Variants in SENP6 observed in about 807,000 individuals in gnomAD.
The protein encoded by SENP6 is sentrin-specific protease 6.
In SENP6, 41 loss-of-function variants were observed where a neutral mutation model predicts 134.5. The observed-to-expected ratio is 0.30, with a 90% confidence interval of 0.24 to 0.40. SENP6 has a LOEUF of 0.40. Ranked by LOEUF, SENP6 falls within the 10% of genes least tolerant of loss-of-function variation. SENP6 has a pLI of 1.00. For missense variants in SENP6, 1,248 were observed against 1,312.5 expected (o/e 0.95, Z 0.76); for synonymous variants, 395 against 429.8 (o/e 0.92, Z 1.00).
In SENP6 at chr6:75,664,594, G is replaced by A. The variant is rs957721256; in HGVS notation, c.994+1076G>A. On this transcript the variant is annotated intron_variant, in intron 9 of 23. Transcript: ENST00000447266. ...CTATATATGTAAATCTGTTTAGATC[G>A]TCTAATCTGGCCTGTTAGGTTTTCT... Among the ~76,000 whole-genome samples, 5 of 152,208 alleles carry A rather than the reference G, an allele frequency of 3.3e-5. 1 individual carries two copies. The highest frequency in any genetic ancestry group is 1.3e-4 in the Admixed American group (2 of 15,276).
intron 3 of SENP6, among the ~76,000 whole-genome samples, chr6:75,628,811 CT>C (rs1768893863): frequency 1.3e-5 from 2 of 152,270 alleles, no homozygotes; most frequent in African/African-American, 4.8e-5. Flanking sequence ...CCTCTTCCTC[CT>C]AGGCTCAAGC....
chr6:75,691,536 A>T (rs1774249462), intron 16 of SENP6, among the ~76,000 whole-genome samples: 1 of 152,180 alleles, frequency 6.6e-6, no homozygotes, highest in African/African-American at 2.4e-5. Flanking sequence ...GGTGCACCCA[A>T]ATGGAAGAAA....
intron 6 of SENP6, among the ~76,000 whole-genome samples, chr6:75,641,111 C>G (rs909873040): frequency 1.3e-5 from 2 of 152,124 alleles, no homozygotes; most frequent in African/African-American, 4.8e-5. Flanking sequence ...TCCCTCCATC[C>G]TCTCCTCCCC....
At chr6:75,667,458 A>G (rs1772331774) in intron 10 of SENP6, among the ~76,000 whole-genome samples, 1 of 152,206 alleles carries the variant, frequency 6.6e-6, no homozygotes, top group South Asian at 2.1e-4. Flanking sequence ...TGAACAAAGG[A>G]TAAGAATGGA....
chr6:75,612,011 T>C lies in SENP6; in HGVS notation c.52+9435T>C, dbSNP rs1767486064. 3 of 152,300 alleles carry C rather than the reference T, an allele frequency of 2.0e-5. No individual in the cohort carries two copies. In the South Asian group the frequency reaches 6.2e-4, roughly 32 times the overall value. 9.4% of individuals were successfully genotyped at this position (152,300 alleles called of 1,614,324 possible). On this transcript the variant is annotated intron_variant, in intron 1 of 23. Coordinates refer to ENST00000447266, the MANE Select transcript of SENP6 (RefSeq NM_015571.4). ...AGACTTTATCTTGAAGTAGTAGTGA[T>C]CTATTAGTTTGTCTTCTATACCAAG...
chr6:75,662,239 C>T (rs545480375), intron 8 of SENP6, among the ~76,000 whole-genome samples: 11 of 152,140 alleles, frequency 7.2e-5, no homozygotes, highest in South Asian at 2.1e-4. Context: ...TTTTGTAAAA[C>T]GCCTTCCACT....
At chr6:75,614,268 T>TG (rs1554156907) in intron 1 of SENP6, among the ~76,000 whole-genome samples, 5 of 151,472 alleles carry the variant, frequency 3.3e-5, no homozygotes, top group African/African-American at 1.2e-4. Context: ...ATCTTTTTTT[T>TG]TTTTTTTTTT....
rs146034420 is a variant in SENP6 at position 75,678,807 on chromosome 6, A to T, written c.1959-4A>T. On this transcript the variant is annotated splice_region_variant and splice_polypyrimidine_tract_variant and intron_variant, in intron 15 of 23. Coordinates refer to ENST00000447266, the MANE Select transcript of SENP6 (RefSeq NM_015571.4). ...TATTTGCTTGCCTTCTAATTTTGTT[A>T]CAGGTTGATAGTATATCCACCACCT... The T allele has an allele frequency of 1.3e-3, 1,950 of 1,552,692 alleles. 21 individuals carry two copies. In the African/African-American group the frequency reaches 0.024, roughly 19 times the overall value.
intron 8 of SENP6, among the ~76,000 whole-genome samples, chr6:75,660,680 T>G (rs1183281804): frequency 1.3e-5 from 2 of 152,070 alleles, no homozygotes; most frequent in Non-Finnish European, 2.9e-5. Context: ...TCACCCAGGC[T>G]GGAGTTGAGT....
In SENP6 at chr6:75,702,833, A is replaced by C; in HGVS notation, c.2477A>C (p.Lys826Thr). The change falls in exon 19 of 24, where the codon AAG (lysine) becomes ACG (threonine). Residue 826 changes from lysine (K) to threonine (T), a missense_variant. By Grantham distance (78) the Lys-to-Thr change is moderately conservative (BLOSUM62 -1). This residue lies in a region of SENP6 where 386 missense variants were observed against 395.0 expected (regional missense o/e 0.98). Coordinates refer to ENST00000447266, the MANE Select transcript of SENP6 (RefSeq NM_015571.4). The part of the protein sequence containing the change: ...QNSSAKPVIK[K>T]MLNKKHCIAV... ...TCTTCTGCCAAGCCTGTAATTAAGA[A>C]GATGCTAAACAAAAAACATTGCATA... 1 of 1,614,178 alleles carries C rather than the reference A, an allele frequency of 6.2e-7. No individual in the cohort carries two copies. Among genetic ancestry groups the C allele is most frequent in the Non-Finnish European group, 8.5e-7 (1 of 1,180,014 alleles).
chr6:75,696,590 A>T (rs1582882910), intron 17 of SENP6, among the ~76,000 whole-genome samples: 1 of 151,784 alleles, frequency 6.6e-6, no homozygotes, highest in Non-Finnish European at 1.5e-5. Flanking sequence ...TGATCCTTCC[A>T]CCTCAGCCTC....
At chr6:75,712,966 G>A (rs1259116276) in intron 21 of SENP6, among the ~76,000 whole-genome samples, 1 of 152,038 alleles carries the variant, frequency 6.6e-6, no homozygotes, top group African/African-American at 2.4e-5. Flanking sequence ...AATTAGCTGA[G>A]TGTGGTCACA....
At chr6:75,626,575 A>G (rs1033883997) in intron 3 of SENP6, among the ~76,000 whole-genome samples, 1 of 152,100 alleles carries the variant, frequency 6.6e-6, no homozygotes, top group East Asian at 1.9e-4. Flanking sequence ...GTCTTTTGCT[A>G]TTACGTATAA....
intron 16 of SENP6, among the ~76,000 whole-genome samples, chr6:75,686,837 T>C (rs1773877375): frequency 6.6e-6 from 1 of 152,224 alleles, no homozygotes; most frequent in South Asian, 2.1e-4. Context: ...CACTTTTTCC[T>C]TCATTTCAAC....
At chr6:75,623,873 G>GT (rs768860262) in intron 2 of SENP6, 27 bp from the exon 3 acceptor site, 6 of 1,574,628 alleles carry the variant, frequency 3.8e-6, no homozygotes, top group African/African-American at 2.7e-5. Flanking sequence ...TGCTACTTAT[G>GT]TTTTTTTCCC....
At chr6:75,714,622 A>G (rs1327342723) in intron 23 of SENP6, among the ~76,000 whole-genome samples, 1 of 152,146 alleles carries the variant, frequency 6.6e-6, no homozygotes, top group Non-Finnish European at 1.5e-5. Flanking sequence ...ACAGACCAAA[A>G]TCTTTCACAT....
At chr6:75,660,430 A>G (rs1308697155) in intron 8 of SENP6, among the ~76,000 whole-genome samples, 2 of 152,164 alleles carry the variant, frequency 1.3e-5, no homozygotes, top group Non-Finnish European at 2.9e-5. Context: ...ACATATGAAT[A>G]CTTTACTTAA....
At chr6:75,653,822 A>G (rs62415578) in intron 7 of SENP6, among the ~76,000 whole-genome samples, 41,617 of 152,168 alleles carry the variant, frequency 0.27, 6,472 homozygotes, top group Non-Finnish European at 0.37. Context: ...ACAAACTTGT[A>G]AACATACTGT....
intron 2 of SENP6, chr6:75,622,812 G>A (rs1768377495): frequency 2.3e-6 from 3 of 1,288,820 alleles, no homozygotes; most frequent in Middle Eastern, 2.1e-4. Context: ...TGCCTTCACC[G>A]ATGAGATGTT....
Sources: gnomAD v4.1 joint callset for allele counts (sites outside exome capture counted in the v4.1 genomes callset) on GRCh38, gnomAD v4.1.1 for gene constraint, gnomAD v4.1.1 regional missense constraint, MANE v1.5 for transcripts, NCBI Gene and HGNC (gene_info 2026-07-23, HGNC 2026-07-21) for gene names.